Variants in C1orf21 observed in about 807,000 individuals in gnomAD.
C1orf21 encodes chromosome 1 open reading frame 21.
Under a neutral mutation model 18.7 loss-of-function variants are expected in C1orf21, and 3 were observed. The observed-to-expected ratio is 0.16, with a 90% CI of 0.07 to 0.42. The LOEUF (loss-of-function observed/expected upper bound fraction) is 0.42, where lower values mean the gene tolerates loss of function less well. C1orf21 is among the 10% of genes least tolerant of loss of function. The pLI is 0.99. For missense variants in C1orf21, 104 were observed against 143.6 expected, an observed-to-expected ratio of 0.72 and a Z score of 1.41; for synonymous variants, 41 against 46.4, an observed-to-expected ratio of 0.88 and a Z score of 0.47.
chr1:184,445,456 G>T, intron 1 of C1orf21, among the ~76,000 whole-genome samples: 2 of 19,010 alleles, frequency 1.1e-4, no homozygotes, highest in East Asian at 1.3e-3. Context: ...CATAAAAAAA[G>T]GAAAAACCTA....
chr1:184,454,239 A>G (rs1657162752), intron 1 of C1orf21, among the ~76,000 whole-genome samples: 1 of 152,228 alleles, frequency 6.6e-6, no homozygotes, highest in South Asian at 2.1e-4. Flanking sequence ...GTTGAGTAGA[A>G]TAGGAACTTG....
chr1:184,608,904 C>T (rs576416041), intron 5 of C1orf21, among the ~76,000 whole-genome samples: 7 of 152,308 alleles, frequency 4.6e-5, no homozygotes, highest in East Asian at 3.9e-4. Context: ...CTCCTTACTG[C>T]GCTCTGGGCC....
In C1orf21 at chr1:184,491,348, C is replaced by CT. The variant is rs558009578; in HGVS notation, c.94+13759dup. Among the ~76,000 whole-genome samples the CT allele has an allele frequency of 5.4e-3, 772 of 142,576 alleles. 3 individuals are homozygous for CT. Among genetic ancestry groups the CT allele is most frequent in the African/African-American group, 9.8e-3 (383 of 38,950 alleles). The allele number at this position is 142,576 out of a possible 152,430, so 93.5% of individuals were successfully genotyped here. ...AGTGTGTGTAGTACTTTCCTTCTTT[C>CT]TTTTTTTTTTTTTTGAAACAGGTTC... is the stretch of plus-strand genomic sequence containing the variant. On this transcript the variant is annotated intron_variant, in intron 2 of 5. Coordinates refer to ENST00000235307, the MANE Select transcript of C1orf21 (RefSeq NM_030806.4).
At chr1:184,460,620 G>GTCGTCTTCT (rs1284129710) in intron 1 of C1orf21, among the ~76,000 whole-genome samples, 206 of 112,080 alleles carry the variant, frequency 1.8e-3, no homozygotes, top group African/African-American at 7.7e-3. Flanking sequence ...TGTCGTCGTC[G>GTCGTCTTCT]TCTTCTTCTT....
chr1:184,449,909 A>G (rs1334480232), intron 1 of C1orf21, among the ~76,000 whole-genome samples: 2 of 152,152 alleles, frequency 1.3e-5, no homozygotes, highest in Non-Finnish European at 2.9e-5. Flanking sequence ...GCTTGGCTTT[A>G]TTAGTTCTGA....
At chr1:184,409,621 A>G (rs1457318505) in intron 1 of C1orf21, among the ~76,000 whole-genome samples, 1 of 152,224 alleles carries the variant, frequency 6.6e-6, no homozygotes, top group Non-Finnish European at 1.5e-5. Context: ...TCTTTGGTCT[A>G]CATGTCCTGC....
chr1:184,432,225 A>T (rs933207899), intron 1 of C1orf21, among the ~76,000 whole-genome samples: 4 of 152,248 alleles, frequency 2.6e-5, no homozygotes, highest in African/African-American at 9.6e-5. Flanking sequence ...ATGCACATGT[A>T]TGTTTATTGC....
chr1:184,538,055 C>T (rs1055351471), intron 3 of C1orf21, among the ~76,000 whole-genome samples: 4 of 152,132 alleles, frequency 2.6e-5, no homozygotes, highest in African/African-American at 9.7e-5. Flanking sequence ...TTTCCACAGT[C>T]GCTGTAACTT....
At chr1:184,543,433 C>T (rs770439622) in intron 3 of C1orf21, among the ~76,000 whole-genome samples, 4 of 152,136 alleles carry the variant, frequency 2.6e-5, no homozygotes, top group Non-Finnish European at 5.9e-5. Context: ...CGTCATGTAC[C>T]AGTGAGAAAT....
intron 2 of C1orf21, among the ~76,000 whole-genome samples, chr1:184,489,378 AC>A (rs1282414802): frequency 1.3e-5 from 2 of 152,168 alleles, no homozygotes; most frequent in Admixed American, 6.5e-5. Context: ...AACCAAAAAA[AC>A]AAACCAGCAA....
chr1:184,578,099 G>T (rs1376695874), intron 3 of C1orf21, among the ~76,000 whole-genome samples: 1 of 151,990 alleles, frequency 6.6e-6, no homozygotes, highest in Non-Finnish European at 1.5e-5. Context: ...TGAGATTACA[G>T]GCGCCTGCCA....
intron 1 of C1orf21, among the ~76,000 whole-genome samples, chr1:184,439,537 A>G (rs1253763734): frequency 6.6e-6 from 1 of 152,114 alleles, no homozygotes; most frequent in East Asian, 1.9e-4. Context: ...GAAGTCAGAG[A>G]GAACATTTTT....
intron 3 of C1orf21, among the ~76,000 whole-genome samples, chr1:184,509,261 C>T (rs151309371): frequency 1.3e-5 from 2 of 152,270 alleles, no homozygotes; most frequent in East Asian, 3.9e-4. Flanking sequence ...CCTTCTCTCG[C>T]AGTTTTGCAA....
rs1033344847 is a variant in C1orf21, at chr1:184,451,557, G to A, written c.-124-25829G>A. Reference sequence around the variant, plus strand: ...TGGCCTCAAGTGATCCTCCCATCTCGGACTCTCAGAATGTTGGGATTACAA... The same window carrying A: ...TGGCCTCAAGTGATCCTCCCATCTCAGACTCTCAGAATGTTGGGATTACAA... On this transcript the variant is annotated intron_variant, in intron 1 of 5. Transcript: ENST00000235307. 9.6e-5 allele frequency among the ~76,000 whole-genome samples: 14 copies of A among 146,028 alleles called. No individual in the cohort carries two copies. In the Admixed American group the frequency reaches 9.9e-4, roughly 10 times the overall value.
At chr1:184,568,434 A>G (rs1289033886) in intron 3 of C1orf21, 1 of 470,514 alleles carries the variant, frequency 2.1e-6, no homozygotes, top group Non-Finnish European at 4.4e-6. Context: ...GTCTCCATGA[A>G]TTTGACTACT....
chr1:184,600,843 C>A (rs1440552202), intron 5 of C1orf21, among the ~76,000 whole-genome samples: 1 of 152,156 alleles, frequency 6.6e-6, no homozygotes, highest in African/African-American at 2.4e-5. Flanking sequence ...GCTCATCCTT[C>A]CAAATATTTT....
chr1:184,510,659 G>A (rs543277797), intron 3 of C1orf21, among the ~76,000 whole-genome samples: 58 of 152,314 alleles, frequency 3.8e-4, no homozygotes, highest in East Asian at 2.5e-3. Flanking sequence ...AGGAGTAGGT[G>A]TCAGTAGGGA....
rs116760565 is a variant in C1orf21 at position 184,560,684 on chromosome 1, C to G, written c.190-30055C>G. On this transcript the variant is annotated intron_variant, in intron 3 of 5. Coordinates refer to ENST00000235307, the MANE Select transcript of C1orf21 (RefSeq NM_030806.4). Reference sequence around the variant, plus strand: ...CTCCCAGCCATTGACCACAAACACTCCAGACCAGCAAGTCTGGAGGCCCCA... The same window carrying G: ...CTCCCAGCCATTGACCACAAACACTGCAGACCAGCAAGTCTGGAGGCCCCA... 8.1e-3 allele frequency among the ~76,000 whole-genome samples: 1,239 copies of G among 152,266 alleles called. 11 individuals carry two copies. Among genetic ancestry groups the G allele is most frequent in the Non-Finnish European group, 0.013 (870 of 68,016 alleles).
At chr1:184,541,703 G>A (rs1658653323) in intron 3 of C1orf21, among the ~76,000 whole-genome samples, 1 of 152,238 alleles carries the variant, frequency 6.6e-6, no homozygotes, top group Non-Finnish European at 1.5e-5. Flanking sequence ...AGTGGCCTGG[G>A]TTTCTTCTTT....
Sources: allele counts gnomAD v4.1 joint callset (sites outside exome capture counted in the v4.1 genomes callset), GRCh38; gene constraint gnomAD v4.1.1; transcripts MANE v1.5; gene names NCBI Gene and HGNC (gene_info 2026-07-23, HGNC 2026-07-21).